STPG4: variants seen among roughly 807,000 people sequenced by gnomAD.
The protein encoded by STPG4 is protein STPG4.
STPG4 carries 41 observed loss-of-function variants against 31.5 expected under a neutral mutation model. That is an observed-to-expected ratio of 1.30 (90% CI 1.01 to 1.69). The LOEUF (loss-of-function observed/expected upper bound fraction) is 1.69. Ranked by LOEUF, STPG4 falls within the 40% of genes most tolerant of loss-of-function variation. The pLI, the probability that STPG4 is intolerant of heterozygous loss-of-function variation, is 0.00. For missense variants in STPG4, 375 were observed against 293.4 expected, an observed-to-expected ratio of 1.28 and a Z score of -2.03; for synonymous variants, 141 against 103.0, an observed-to-expected ratio of 1.37 and a Z score of -2.24.
intron 3 of STPG4, among the ~76,000 whole-genome samples, chr2:47,148,250 A>G (rs531675506): frequency 2.6e-5 from 4 of 151,936 alleles, no homozygotes; most frequent in Admixed American, 6.6e-5. Flanking sequence ...CATAGCCCCT[A>G]TATATATATG....
chr2:47,102,962 C>G (rs138718543), intron 5 of STPG4, among the ~76,000 whole-genome samples: 8,473 of 151,942 alleles, frequency 0.056, 438 homozygotes, highest in African/African-American at 0.11. Context: ...ACTGTTAGAT[C>G]AAACCCTGGC....
At chr2:47,097,897 C>T (rs1685706258) in intron 5 of STPG4, among the ~76,000 whole-genome samples, 1 of 150,000 alleles carries the variant, frequency 6.7e-6, no homozygotes, top group Non-Finnish European at 1.5e-5. Context: ...GTGGGTAGAT[C>T]TCTTGAGGCC....
intron 5 of STPG4, among the ~76,000 whole-genome samples, chr2:47,102,280 G>A (rs1256612060): frequency 6.6e-6 from 1 of 151,826 alleles, no homozygotes. Context: ...CAAAACTGCG[G>A]GCGGTTTTGT....
At chr2:47,128,400 C>A (rs117563248) in intron 5 of STPG4, among the ~76,000 whole-genome samples, 1 of 152,242 alleles carries the variant, frequency 6.6e-6, no homozygotes, top group Non-Finnish European at 1.5e-5. Context: ...AGCATGCTGC[C>A]CCCTGGGCCA....
intron 6 of STPG4, among the ~76,000 whole-genome samples, chr2:47,089,819 G>C (rs1444573334): frequency 6.6e-6 from 1 of 152,038 alleles, no homozygotes; most frequent in Non-Finnish European, 1.5e-5. Context: ...TTTGGGGGTG[G>C]GGTGATCGCT....
At chr2:47,133,227 G>C (rs2103784338) in intron 3 of STPG4, among the ~76,000 whole-genome samples, 1 of 151,978 alleles carries the variant, frequency 6.6e-6, no homozygotes, top group South Asian at 2.1e-4. Context: ...GAATGCAGTG[G>C]CGCAACCATA....
At chr2:47,095,830 G>C (rs890126971) in intron 5 of STPG4, among the ~76,000 whole-genome samples, 1 of 152,136 alleles carries the variant, frequency 6.6e-6, no homozygotes, top group Non-Finnish European at 1.5e-5. Flanking sequence ...CAACAGGATG[G>C]AGGTGGCAAA....
intron 1 of STPG4, 49 bp downstream of exon 1, chr2:47,155,122 C>A (rs1235917233): frequency 2.6e-6 from 4 of 1,564,836 alleles, no homozygotes; most frequent in Non-Finnish European, 3.5e-6. Context: ...GGGTAGTGGG[C>A]CTGGTGAGGG....
intron 5 of STPG4, among the ~76,000 whole-genome samples, chr2:47,102,688 GC>G (rs1685825327): frequency 6.6e-6 from 1 of 151,510 alleles, no homozygotes; most frequent in Admixed American, 6.6e-5. Flanking sequence ...AATCTCCCCT[GC>G]CCAGAAGGAA....
chr2:47,095,590 A>G (rs758595025), intron 5 of STPG4, among the ~76,000 whole-genome samples: 2 of 152,204 alleles, frequency 1.3e-5, no homozygotes, highest in African/African-American at 2.4e-5. Context: ...GCCCTAGCAC[A>G]TGAATACATC....
At chr2:47,144,042 G>C (rs1442547525) in intron 3 of STPG4, among the ~76,000 whole-genome samples, 2 of 152,114 alleles carry the variant, frequency 1.3e-5, no homozygotes, top group Admixed American at 1.3e-4. Context: ...ATAGATTCTG[G>C]AACCATGTTC....
chr2:47,097,860 G>A (rs544757853), intron 5 of STPG4, among the ~76,000 whole-genome samples: 26 of 151,550 alleles, frequency 1.7e-4, no homozygotes, highest in Non-Finnish European at 5.9e-5. Flanking sequence ...GCTCACGCCT[G>A]TAATCCCAGC....
At chr2:47,123,651 G>A (rs1020443557) in intron 5 of STPG4, among the ~76,000 whole-genome samples, 2 of 152,064 alleles carry the variant, frequency 1.3e-5, no homozygotes, top group African/African-American at 4.8e-5. Context: ...TCTACACTTT[G>A]CCACAAATTG....
At chr2:47,125,756 C>A (rs548536543) in intron 5 of STPG4, among the ~76,000 whole-genome samples, 1 of 151,702 alleles carries the variant, frequency 6.6e-6, no homozygotes, top group Non-Finnish European at 1.5e-5. Context: ...ACAGGGTCTC[C>A]CTATATTGCC....
intron 1 of STPG4, 59 bp downstream of exon 1, chr2:47,155,112 G>T: frequency 6.6e-7 from 1 of 1,516,828 alleles, no homozygotes; most frequent in Admixed American, 1.7e-5. Flanking sequence ...GGTGGGAAAA[G>T]GGTAGTGGGC....
At chr2:47,092,967 A>T (rs1465209032) in intron 5 of STPG4, among the ~76,000 whole-genome samples, 1 of 152,052 alleles carries the variant, frequency 6.6e-6, no homozygotes, top group East Asian at 1.9e-4. Context: ...TAATGTTTGT[A>T]TTTTTAGTAG....
intron 5 of STPG4, among the ~76,000 whole-genome samples, chr2:47,119,439 C>T (rs1309853097): frequency 6.6e-6 from 1 of 152,180 alleles, no homozygotes; most frequent in Non-Finnish European, 1.5e-5. Context: ...CAATCAACTA[C>T]CTTCTGCTAT....
intron 3 of STPG4, among the ~76,000 whole-genome samples, chr2:47,135,904 G>A (rs1686586427): frequency 6.6e-6 from 1 of 152,154 alleles, no homozygotes; most frequent in African/African-American, 2.4e-5. Context: ...AGTAGGCCTT[G>A]AAGTCAGGTA....
intron 5 of STPG4, among the ~76,000 whole-genome samples, chr2:47,103,332 A>C (rs1685838952): frequency 6.6e-6 from 1 of 151,964 alleles, no homozygotes; most frequent in African/African-American, 2.4e-5. Context: ...CTCGAGGGTC[A>C]ATTGATTCTA....
Sources: gnomAD v4.1 joint callset for allele counts (sites outside exome capture counted in the v4.1 genomes callset) on GRCh38, gnomAD v4.1.1 for gene constraint, MANE v1.5 for transcripts, NCBI Gene and HGNC (gene_info 2026-07-23, HGNC 2026-07-21) for gene names.